MOBP: variants seen among roughly 807,000 people sequenced by gnomAD.
MOBP encodes the protein myelin-associated oligodendrocyte basic protein.
A neutral mutation model predicts 15.0 loss-of-function variants in MOBP; 5 were observed. The ratio of observed to expected loss-of-function variants is 0.33; its 90% CI spans 0.17 to 0.70. The LOEUF is 0.70. Among genes scored for constraint, MOBP ranks in the 30% least tolerant of loss-of-function variants. MOBP has a pLI of 0.67. For synonymous variants in MOBP, 88 were observed against 99.0 expected (o/e 0.89, Z 0.66); for missense variants, 188 against 257.8 (o/e 0.73, Z 1.85).
intron 2 of MOBP, among the ~76,000 whole-genome samples, chr3:39,492,232 T>G (rs1299401157): frequency 6.6e-6 from 1 of 152,126 alleles, no homozygotes; most frequent in Admixed American, 6.5e-5. Context: ...GCAATGTGTG[T>G]CATTCATGCT....
chr3:39,489,897 T>A (rs113401046), intron 2 of MOBP, among the ~76,000 whole-genome samples: 2,056 of 152,354 alleles, frequency 0.013, 20 homozygotes, highest in Non-Finnish European at 0.02. Flanking sequence ...AAGTATTTTC[T>A]TATGTCAATA....
At position 39,468,797 on chromosome 3, in the gene MOBP, T is replaced by C. The variant is rs377446679; in HGVS notation, c.-89+1057T>C. 2.8e-4 allele frequency among the ~76,000 whole-genome samples: 25 copies of C among 89,094 alleles called. 3 individuals are homozygous for C. Among genetic ancestry groups the C allele is most frequent in the South Asian group, 9.6e-4 (3 of 3,122 alleles). The allele number at this position is 89,094 out of a possible 152,430, so 58.4% of individuals were successfully genotyped here. A position where few individuals can be genotyped will look rare whatever the true frequency, so the allele number is the denominator to read the frequency against. On this transcript the variant is annotated intron_variant, in intron 1 of 3. Transcript: ENST00000684792. Reference sequence around the variant, plus strand: ...ATATACATATATACATGTGTGTGTATATATACATATGTGTGTGTATACATA... The same window carrying C: ...ATATACATATATACATGTGTGTGTACATATACATATGTGTGTGTATACATA...
At chr3:39,490,362 A>T (rs1220125832) in intron 2 of MOBP, among the ~76,000 whole-genome samples, 1 of 152,228 alleles carries the variant, frequency 6.6e-6, no homozygotes, top group Non-Finnish European at 1.5e-5. Flanking sequence ...GGGCATTGAT[A>T]TTCAGAGAGT....
downstream of MOBP, among the ~76,000 whole-genome samples, chr3:39,518,134 C>T (rs1575323746): frequency 6.6e-6 from 1 of 152,318 alleles, no homozygotes; most frequent in Non-Finnish European, 1.5e-5. Flanking sequence ...TATGCACTCT[C>T]TTAAGAGTCA....
intron 2 of MOBP, among the ~76,000 whole-genome samples, chr3:39,487,621 T>C (rs1175789391): frequency 6.6e-6 from 1 of 150,716 alleles, no homozygotes; most frequent in Non-Finnish European, 1.5e-5. Flanking sequence ...TATCCCAGGT[T>C]CACGCCATTC....
downstream of MOBP, among the ~76,000 whole-genome samples, chr3:39,518,466 G>A (rs7653831): frequency 0.013 from 2,038 of 152,212 alleles, 50 homozygotes; most frequent in African/African-American, 0.046. Context: ...TTAATGATGC[G>A]TATTTCTGAT....
chr3:39,505,403 A>G (rs1385540950), downstream of MOBP, among the ~76,000 whole-genome samples: 1 of 152,240 alleles, frequency 6.6e-6, no homozygotes, highest in African/African-American at 2.4e-5. Flanking sequence ...GCAGAGCTAG[A>G]GAAAAGGCCT....
chr3:39,496,291 C>A (rs1003867268), intron 2 of MOBP, among the ~76,000 whole-genome samples: 2 of 149,342 alleles, frequency 1.3e-5, no homozygotes, highest in Admixed American at 1.3e-4. Flanking sequence ...CTCTGCCTCC[C>A]AGGTTCACGC....
chr3:39,496,281 C>T (rs1425367945), intron 2 of MOBP, among the ~76,000 whole-genome samples: 1 of 151,082 alleles, frequency 6.6e-6, no homozygotes, highest in Non-Finnish European at 1.5e-5. Context: ...TCAGTGCAAG[C>T]TCTGCCTCCC....
At chr3:39,499,977 A>G in intron 2 of MOBP, 1 of 454,890 alleles carries the variant, frequency 2.2e-6, no homozygotes, top group Non-Finnish European at 4.4e-6. Flanking sequence ...TGGACTTTTC[A>G]TGCCATTGCA....
chr3:39,499,152 A>C (rs2042932487), intron 2 of MOBP, among the ~76,000 whole-genome samples: 1 of 152,160 alleles, frequency 6.6e-6, no homozygotes, highest in South Asian at 2.1e-4. Flanking sequence ...TGTGCTGGGC[A>C]CCTGAAGAAA....
chr3:39,468,705 CATATGTGTGTGTATATACATATATACAT>C (rs2042380314), intron 1 of MOBP, among the ~76,000 whole-genome samples: 1 of 114,608 alleles, frequency 8.7e-6, no homozygotes, highest in South Asian at 2.4e-4. Flanking sequence ...TACATATATA[CATATGTGTGTGTATATACATATATACAT>C]ATGTGTGTGT....
intron 2 of MOBP, among the ~76,000 whole-genome samples, chr3:39,485,705 C>T (rs2042695329): frequency 6.6e-6 from 1 of 152,154 alleles, no homozygotes; most frequent in African/African-American, 2.4e-5. Flanking sequence ...AAGTGCGAGT[C>T]CAGTCAATGG....
At chr3:39,526,264 T>G (rs966760231), downstream of MOBP, 3 of 152,214 alleles carry the variant, frequency 2.0e-5, no homozygotes, top group African/African-American at 7.2e-5. Context: ...GCATATTAAT[T>G]CATGCAAAAA....
chr3:39,521,349 C>T (rs892164351), intron 3 of MOBP, among the ~76,000 whole-genome samples: 6 of 152,088 alleles, frequency 3.9e-5, no homozygotes, highest in Non-Finnish European at 7.3e-5. Context: ...ATGCAACAGC[C>T]AGTTTTGTTA....
intron 2 of MOBP, among the ~76,000 whole-genome samples, chr3:39,485,067 C>A (rs986614203): frequency 1.3e-5 from 2 of 152,200 alleles, no homozygotes; most frequent in African/African-American, 4.8e-5. Flanking sequence ...ATTTTGACAT[C>A]TTGCTGCTTT....
rs1350443599 is a variant in MOBP at position 39,492,246 on chromosome 3, A to AG, written c.-4-9818dup. Among the ~76,000 whole-genome samples, 4 of 152,310 alleles carry AG rather than the reference A, an allele frequency of 2.6e-5. No individual in the cohort carries two copies. In the East Asian group the frequency reaches 7.7e-4, roughly 29 times the overall value. On this transcript the variant is annotated intron_variant, in intron 2 of 3. Transcript: ENST00000684792. Reference sequence around the variant, plus strand: ...AGCAATGTGTGTCATTCATGCTAAAAGGTGGGTGAGACCAGATGAGGTACC... The same window carrying AG: ...AGCAATGTGTGTCATTCATGCTAAAAGGGTGGGTGAGACCAGATGAGGTACC...
exon 5 of MOBP, chr3:39,514,797 T>C (rs1575321649): frequency 6.6e-6 from 1 of 152,364 alleles, no homozygotes; most frequent in East Asian, 1.9e-4. Context: ...AGGACTTTGA[T>C]CTTTAGTATA....
chr3:39,501,335 G>T (rs1193402879), intron 2 of MOBP, among the ~76,000 whole-genome samples: 1 of 152,180 alleles, frequency 6.6e-6, no homozygotes, highest in Non-Finnish European at 1.5e-5. Flanking sequence ...AGTCACGTAA[G>T]TCCCCTGTGG....
Sources: allele counts gnomAD v4.1 joint callset (sites outside exome capture counted in the v4.1 genomes callset), GRCh38; gene constraint gnomAD v4.1.1; transcripts MANE v1.5; gene names NCBI Gene and HGNC (gene_info 2026-07-23, HGNC 2026-07-21).